CDH9: variants seen among roughly 807,000 people sequenced by gnomAD.
CDH9 encodes the protein cadherin-9.
Under a neutral mutation model 70.9 loss-of-function variants are expected in CDH9, and 28 were observed. That is an observed-to-expected ratio of 0.40 (90% CI 0.29 to 0.54). The LOEUF (loss-of-function observed/expected upper bound fraction) is 0.54. Ranked by LOEUF, CDH9 falls within the 20% of genes least tolerant of loss-of-function variation. The pLI, the probability that CDH9 is intolerant of heterozygous loss-of-function variation, is 0.59. For synonymous variants in CDH9, 409 were observed against 343.1 expected (o/e 1.19, Z -2.12); for missense variants, 874 against 984.4 (o/e 0.89, Z 1.50).
At chr5:26,908,603 C>A (rs1365282690) in intron 3 of CDH9, among the ~76,000 whole-genome samples, 1 of 152,098 alleles carries the variant, frequency 6.6e-6, no homozygotes, top group African/African-American at 2.4e-5. Context: ...TTGACTCTTT[C>A]AAATAATATT....
intron 1 of CDH9, among the ~76,000 whole-genome samples, chr5:27,011,189 C>A (rs1266326797): frequency 1.3e-5 from 2 of 152,014 alleles, no homozygotes; most frequent in South Asian, 4.1e-4. Context: ...GATTATTTTG[C>A]TGGAATATGA....
intron 2 of CDH9, among the ~76,000 whole-genome samples, chr5:26,923,168 C>T (rs1405128346): frequency 6.9e-6 from 1 of 145,666 alleles, no homozygotes; most frequent in African/African-American, 2.5e-5. Context: ...ATTCAGGAAA[C>T]ACTACATCTA....
intron 2 of CDH9, among the ~76,000 whole-genome samples, chr5:26,979,854 A>T (rs1742369526): frequency 6.6e-6 from 1 of 151,842 alleles, no homozygotes; most frequent in African/African-American, 2.4e-5. Context: ...AGATCATTAG[A>T]TATGTACCTA....
Position 26,906,071 on chromosome 5 carries a change from C to T in CDH9, c.699G>A (p.Gln233=). Residue 233 remains glutamine (Q), a synonymous_variant, in exon 5 of 12, where the codon CAG becomes CAA. Transcript: ENST00000231021. ...DMSRENREQY[Q]VVIQAKDMGG... ...CCATGTCTTTGGCCTGTATAACAAC[C>T]TGGTACTGCTCTCTATTTTCTCTGC... 6.2e-7 allele frequency: 1 copy of T among 1,613,854 alleles called. No homozygotes were observed. The highest frequency in any genetic ancestry group is 1.1e-5 in the South Asian group (1 of 91,082).
At chr5:26,913,663 C>A (rs779832999) in intron 3 of CDH9, among the ~76,000 whole-genome samples, 2 of 151,670 alleles carry the variant, frequency 1.3e-5, no homozygotes, top group Non-Finnish European at 2.9e-5. Flanking sequence ...ACAATATAAA[C>A]TACAAAACAT....
intron 2 of CDH9, among the ~76,000 whole-genome samples, chr5:26,929,644 G>A (rs1741405563): frequency 6.6e-6 from 1 of 152,004 alleles, no homozygotes; most frequent in African/African-American, 2.4e-5. Flanking sequence ...TGTACACAAT[G>A]GAGTACTACT....
intron 9 of CDH9, among the ~76,000 whole-genome samples, chr5:26,889,006 T>C (rs956185705): frequency 3.3e-5 from 5 of 152,284 alleles, no homozygotes; most frequent in African/African-American, 1.2e-4. Context: ...GGTTACATTT[T>C]CAAGATTTGA....
intron 3 of CDH9, among the ~76,000 whole-genome samples, chr5:26,910,032 TC>T (rs1288182303): frequency 2.6e-5 from 4 of 151,980 alleles, no homozygotes; most frequent in African/African-American, 9.7e-5. Context: ...TATTTACACA[TC>T]ATATTAGAGG....
chr5:26,894,528 A>T (rs1303943682), intron 7 of CDH9, among the ~76,000 whole-genome samples: 1 of 152,084 alleles, frequency 6.6e-6, no homozygotes, highest in Non-Finnish European at 1.5e-5. Context: ...GACAGCGCCA[A>T]CTTCCAGGTC....
intron 2 of CDH9, among the ~76,000 whole-genome samples, chr5:26,921,028 A>G (rs572250003): frequency 2.6e-5 from 4 of 152,338 alleles, no homozygotes; most frequent in African/African-American, 9.6e-5. Context: ...ATAGGGCACC[A>G]GGTACTAATT....
rs1256681444 is a variant in CDH9, at chr5:26,881,241, A to G, written c.2265T>C (p.Ser755=). The G allele has an allele frequency of 6.2e-7, 1 of 1,613,506 alleles. No individual in the cohort carries two copies. Among genetic ancestry groups the G allele is most frequent in the Non-Finnish European group, 8.5e-7 (1 of 1,179,556 alleles). The change falls in exon 12 of 12, where the codon TCT becomes TCC. Residue 755 remains serine, a synonymous_variant. Transcript: ENST00000231021. ...AATCTTGGTTACAATCAGCTGTGAG[A>G]GATTCCAAAGAACTGAGCGAATCTG... ...SIADSLSSLE[S]LTADCNQDYD...
At chr5:27,020,704 A>G (rs954175771) in intron 1 of CDH9, among the ~76,000 whole-genome samples, 1 of 148,914 alleles carries the variant, frequency 6.7e-6, no homozygotes, top group African/African-American at 2.5e-5. Context: ...AAAAAATTTT[A>G]AGAACATTTA....
chr5:26,937,776 A>G (rs1279674073), intron 2 of CDH9, among the ~76,000 whole-genome samples: 1 of 152,096 alleles, frequency 6.6e-6, no homozygotes, highest in East Asian at 1.9e-4. Context: ...AGGCAAAACT[A>G]TGAAGCAAGT....
At chr5:26,961,574 A>G (rs1336005582) in intron 2 of CDH9, among the ~76,000 whole-genome samples, 1 of 152,138 alleles carries the variant, frequency 6.6e-6, no homozygotes, top group Non-Finnish European at 1.5e-5. Context: ...CACCTAGGAT[A>G]CCTATATTCT....
chr5:26,921,554 T>C (rs1461664366), intron 2 of CDH9, among the ~76,000 whole-genome samples: 1 of 151,998 alleles, frequency 6.6e-6, no homozygotes, highest in Non-Finnish European at 1.5e-5. Context: ...GGTGGAAACT[T>C]AAGACAGAAA....
chr5:26,998,861 C>T (rs1319268495), intron 1 of CDH9, among the ~76,000 whole-genome samples: 2 of 151,980 alleles, frequency 1.3e-5, no homozygotes, highest in Non-Finnish European at 2.9e-5. Flanking sequence ...TAAGATTACA[C>T]AAGATTTTAT....
intron 8 of CDH9, 65 bp from the exon 9 acceptor site, chr5:26,890,022 A>G: frequency 2.0e-6 from 3 of 1,481,158 alleles, no homozygotes; most frequent in East Asian, 2.3e-5. Flanking sequence ...CCACTCACCC[A>G]TTTGTAGCTT....
intron 2 of CDH9, among the ~76,000 whole-genome samples, chr5:26,957,135 G>T (rs1365984948): frequency 6.7e-6 from 1 of 150,056 alleles, no homozygotes; most frequent in South Asian, 2.1e-4. Context: ...TGATTTTTAT[G>T]TATTTTCCTG....
At chr5:26,932,878 G>T (rs939261248) in intron 2 of CDH9, among the ~76,000 whole-genome samples, 2 of 151,212 alleles carry the variant, frequency 1.3e-5, no homozygotes, top group African/African-American at 4.8e-5. Flanking sequence ...GTATAATTGA[G>T]CTTTGTCTAT....
Sources: gnomAD v4.1 joint callset for allele counts (sites outside exome capture counted in the v4.1 genomes callset) on GRCh38, gnomAD v4.1.1 for gene constraint, MANE v1.5 for transcripts, NCBI Gene and HGNC (gene_info 2026-07-23, HGNC 2026-07-21) for gene names.